DPP10: variants seen among roughly 807,000 people sequenced by gnomAD.
DPP10 encodes the protein dipeptidyl peptidase like 10.
In DPP10, 33 loss-of-function variants were observed where a neutral mutation model predicts 120.9. That is an observed-to-expected ratio of 0.27 (90% CI 0.21 to 0.37). The LOEUF is 0.37. DPP10 is among the 10% of genes least tolerant of loss of function. DPP10 has a pLI of 1.00. For synonymous variants in DPP10, 337 were observed against 326.1 expected, an observed-to-expected ratio of 1.03 and a Z score of -0.36; for missense variants, 816 against 942.8, an observed-to-expected ratio of 0.87 and a Z score of 1.76.
chr2:115,727,528 A>G (rs1013146799), intron 7 of DPP10, among the ~76,000 whole-genome samples: 4 of 152,170 alleles, frequency 2.6e-5, no homozygotes, highest in African/African-American at 7.2e-5. Context: ...ATTTTGTGGT[A>G]TGGAGAGAGA....
chr2:114,740,154 A>T (rs949800991), intron 1 of DPP10, among the ~76,000 whole-genome samples: 3 of 151,582 alleles, frequency 2.0e-5, no homozygotes, highest in African/African-American at 4.9e-5. Flanking sequence ...TGGCACATAT[A>T]CACCATGGAA....
At chr2:114,900,644 A>G (rs1693481999) in intron 1 of DPP10, among the ~76,000 whole-genome samples, 1 of 152,106 alleles carries the variant, frequency 6.6e-6, no homozygotes, top group South Asian at 2.1e-4. Context: ...TCTTTAGCTT[A>G]TCCCTTCATC....
intron 1 of DPP10, among the ~76,000 whole-genome samples, chr2:115,098,972 C>A (rs1559092978): frequency 1.3e-5 from 2 of 151,848 alleles, no homozygotes; most frequent in African/African-American, 4.8e-5. Flanking sequence ...CAACAGAGAA[C>A]AAAGAGATGC....
chr2:115,083,432 A>C (rs896791073), intron 1 of DPP10, among the ~76,000 whole-genome samples: 8 of 152,146 alleles, frequency 5.3e-5, no homozygotes, highest in Admixed American at 3.3e-4. Context: ...CTGGCTGGCT[A>C]TTCCTCTATT....
At chr2:115,229,945 A>G (rs184042298) in intron 1 of DPP10, among the ~76,000 whole-genome samples, 12 of 146,438 alleles carry the variant, frequency 8.2e-5, no homozygotes, top group African/African-American at 2.3e-4. Context: ...TGTATTTCCT[A>G]TTTCTGTGAA....
At chr2:115,360,120 TG>T (rs2064670784) in intron 3 of DPP10, among the ~76,000 whole-genome samples, 1 of 152,204 alleles carries the variant, frequency 6.6e-6, no homozygotes, top group Admixed American at 6.5e-5. Context: ...CATTTCAATT[TG>T]GTAAGGATCC....
chr2:115,142,192 A>G (rs1209627939), intron 1 of DPP10, among the ~76,000 whole-genome samples: 3 of 152,012 alleles, frequency 2.0e-5, no homozygotes, highest in African/African-American at 7.3e-5. Context: ...TAAAGGCTGC[A>G]CTCCTCTTGC....
At chr2:114,849,073 C>T (rs1425316709) in intron 1 of DPP10, among the ~76,000 whole-genome samples, 1 of 152,166 alleles carries the variant, frequency 6.6e-6, no homozygotes, top group African/African-American at 2.4e-5. Flanking sequence ...ACAATAGTGG[C>T]TGCATGATAT....
At position 114,561,469 on chromosome 2, in the gene DPP10, C is replaced by T. The variant is rs1216899145; in HGVS notation, c.60+118631C>T. 3.9e-5 allele frequency among the ~76,000 whole-genome samples: 6 copies of T among 152,156 alleles called. No homozygotes were observed. The East Asian group carries it at 9.7e-4, about 25-fold the overall frequency. ...TACACACCACATACACATACACACA[C>T]GACACACCACAAATACATGTGCACA... On this transcript the variant is annotated intron_variant, in intron 1 of 25. Transcript: ENST00000410059.
intron 1 of DPP10, among the ~76,000 whole-genome samples, chr2:114,710,502 T>A (rs1456341913): frequency 6.6e-6 from 1 of 152,196 alleles, no homozygotes; most frequent in Non-Finnish European, 1.5e-5. Flanking sequence ...CCCAGCAATC[T>A]GGGAGGCCAA....
At chr2:115,447,538 G>A (rs2072719351) in intron 3 of DPP10, among the ~76,000 whole-genome samples, 2 of 152,152 alleles carry the variant, frequency 1.3e-5, no homozygotes, top group African/African-American at 2.4e-5. Context: ...CATGTGTCAA[G>A]GGAGGGACCT....
intron 1 of DPP10, among the ~76,000 whole-genome samples, chr2:114,681,406 T>A (rs1699017044): frequency 6.6e-6 from 1 of 152,008 alleles, no homozygotes; most frequent in South Asian, 2.1e-4. Context: ...CCTCCTTCTC[T>A]GATTCTTGAT....
At chr2:115,478,720 A>G (rs1381197104) in intron 3 of DPP10, among the ~76,000 whole-genome samples, 2 of 152,190 alleles carry the variant, frequency 1.3e-5, no homozygotes, top group Non-Finnish European at 2.9e-5. Flanking sequence ...TACAAAACAA[A>G]CAGCATAATT....
intron 1 of DPP10, among the ~76,000 whole-genome samples, chr2:114,447,211 G>T (rs1355535534): frequency 6.6e-6 from 1 of 151,732 alleles, no homozygotes; most frequent in East Asian, 1.9e-4. Flanking sequence ...TGGCCAGCAT[G>T]GTCTCGATCT....
chr2:114,951,606 G>A (rs1442386924), intron 1 of DPP10, among the ~76,000 whole-genome samples: 1 of 152,124 alleles, frequency 6.6e-6, no homozygotes, highest in Non-Finnish European at 1.5e-5. Context: ...AAGAAGAACA[G>A]ATATTTTTAA....
At chr2:115,682,068 C>T (rs1344177472) in intron 5 of DPP10, among the ~76,000 whole-genome samples, 2 of 151,870 alleles carry the variant, frequency 1.3e-5, no homozygotes, top group Non-Finnish European at 2.9e-5. Flanking sequence ...GGGAGTTTGG[C>T]TCTCTGTCCT....
At chr2:114,957,942 C>T (rs1698334588) in intron 1 of DPP10, among the ~76,000 whole-genome samples, 1 of 151,896 alleles carries the variant, frequency 6.6e-6, no homozygotes, top group Non-Finnish European at 1.5e-5. Flanking sequence ...TTACCAAAGA[C>T]CGGAGAAGGA....
chr2:114,777,404 G>C (rs568794846), intron 1 of DPP10, among the ~76,000 whole-genome samples: 1 of 151,950 alleles, frequency 6.6e-6, no homozygotes, highest in Admixed American at 6.6e-5. Context: ...GGTTTTCAGG[G>C]CCCTTTTTTG....
chr2:114,725,171 G>A (rs1701964430), intron 1 of DPP10, among the ~76,000 whole-genome samples: 2 of 152,142 alleles, frequency 1.3e-5, no homozygotes, highest in South Asian at 4.1e-4. Flanking sequence ...CCCAGCCATT[G>A]TCCTCACTTT....
Sources: allele counts gnomAD v4.1 joint callset (sites outside exome capture counted in the v4.1 genomes callset), GRCh38; gene constraint gnomAD v4.1.1; transcripts MANE v1.5; gene names NCBI Gene and HGNC (gene_info 2026-07-23, HGNC 2026-07-21).